Variants in NGDN observed in about 807,000 individuals in gnomAD.
NGDN encodes the protein neuroguidin.
NGDN carries 41 observed loss-of-function variants against 45.2 expected under a neutral mutation model. That is an observed-to-expected ratio of 0.91 (90% CI 0.71 to 1.18). The LOEUF (loss-of-function observed/expected upper bound fraction) is 1.18. Among genes scored for constraint, NGDN ranks in the 50% most tolerant of loss-of-function variants. The pLI is 0.00. For missense variants in NGDN, 402 were observed against 399.9 expected, an observed-to-expected ratio of 1.01 and a Z score of -0.05; for synonymous variants, 137 against 130.9, an observed-to-expected ratio of 1.05 and a Z score of -0.32.
rs902198356 is a variant in NGDN, at chr14:23,469,853, C to G, written c.12+126C>G. Reference sequence around the variant, plus strand: ...GAAAGTTGCTTCAGGGAGGCGGCCTCCCTAGAGTTACCGTTCCTGTCCGGT... The same window carrying G: ...GAAAGTTGCTTCAGGGAGGCGGCCTGCCTAGAGTTACCGTTCCTGTCCGGT... On this transcript the variant is annotated intron_variant, in intron 1 of 10. Coordinates refer to ENST00000408901, the MANE Select transcript of NGDN (RefSeq NM_001042635.2). 8 of 1,366,382 alleles carry G rather than the reference C, an allele frequency of 5.9e-6. No individual in the cohort carries two copies. In the Admixed American group the frequency reaches 1.3e-4, roughly 22 times the overall value. The allele number at this position is 1,366,382 out of a possible 1,614,324, so 84.6% of individuals were successfully genotyped here. A position where few individuals can be genotyped will look rare whatever the true frequency, so the allele number is the denominator to read the frequency against.
chr14:23,469,870 C>T, intron 1 of NGDN, 143 bp downstream of exon 1: 1 of 1,271,900 alleles, frequency 7.9e-7, no homozygotes. Flanking sequence ...GTTACCGTTC[C>T]TGTCCGGTAA....
At position 23,476,288 on chromosome 14, in the gene NGDN, A is replaced by T; in HGVS notation, c.594A>T (p.Arg198Ser). The change falls in exon 8 of 11, where the codon AGA becomes AGT. Residue 198 changes from arginine to serine, a missense_variant. Arg to Ser is a moderately radical substitution (Grantham distance 110). Transcript: ENST00000408901. ...REKKRLERAKRRALSSSVIRE... is the reference protein window; with the variant it reads ...REKKRLERAKSRALSSSVIRE... Reference sequence around the variant, plus strand: ...AGAAGCGTCTAGAACGAGCCAAGAGACGGGCATTGAGCAGCTCTGTCATTC... The same window carrying T: ...AGAAGCGTCTAGAACGAGCCAAGAGTCGGGCATTGAGCAGCTCTGTCATTC... 1.2e-6 allele frequency: 2 copies of T among 1,614,142 alleles called. No homozygotes were observed.
chr14:23,469,866 G>C, intron 1 of NGDN, 139 bp downstream of exon 1: 1 of 1,294,942 alleles, frequency 7.7e-7, no homozygotes, highest in Non-Finnish European at 1.1e-6. Context: ...TAGAGTTACC[G>C]TTCCTGTCCG....
In NGDN at chr14:23,475,177, A is replaced by G. The variant is rs145265355; in HGVS notation, c.151A>G (p.Ser51Gly). Reference sequence around the variant, plus strand: ...TCTGTTTTGTTCAACTCAGGGTCTCAGCTTCTTGGAAGTGAAAGACCAGCT... The same window carrying G: ...TCTGTTTTGTTCAACTCAGGGTCTCGGCTTCTTGGAAGTGAAAGACCAGCT... ...AGAYPTEKGL[S>G]FLEVKDQLLL... Residue 51 changes from serine to glycine, a missense_variant, in exon 4 of 11, where the codon AGC becomes GGC. By Grantham distance (56) the Ser-to-Gly change is moderately conservative (BLOSUM62 0). Coordinates refer to ENST00000408901, the MANE Select transcript of NGDN (RefSeq NM_001042635.2). 15 of 1,611,780 alleles carry G rather than the reference A, an allele frequency of 9.3e-6. No homozygotes were observed. Among genetic ancestry groups the G allele is most frequent in the Non-Finnish European group, 1.3e-5 (15 of 1,179,398 alleles).
intron 3 of NGDN, 62 bp from the exon 4 acceptor site, chr14:23,475,109 G>C: frequency 1.3e-6 from 2 of 1,539,544 alleles, no homozygotes; most frequent in South Asian, 2.5e-5. Context: ...TTTACCCTAG[G>C]CTTTCATCTG....
rs757761989 is a variant in NGDN, at chr14:23,469,704, G to A, written c.-12G>A. The A allele has an allele frequency of 1.9e-6, 3 of 1,614,146 alleles. No individual in the cohort carries two copies. The Admixed American group carries it at 5.0e-5, about 27-fold the overall frequency. On this transcript the variant is annotated 5_prime_UTR_variant, in exon 1 of 11. Transcript: ENST00000408901. ...AGGAAGTACGACACCGGAAGGGGTGGGCTTTGCGAAGATGGCGGCGCTGGT... is the reference window on the plus strand; with the variant it reads ...AGGAAGTACGACACCGGAAGGGGTGAGCTTTGCGAAGATGGCGGCGCTGGT...
intron 3 of NGDN, among the ~76,000 whole-genome samples, chr14:23,472,278 C>T (rs948280825): frequency 6.6e-6 from 1 of 151,376 alleles, no homozygotes; most frequent in African/African-American, 2.4e-5. Context: ...GATGGATCAC[C>T]TGAGGTCAGG....
At position 23,477,693 on chromosome 14, in the gene NGDN, G is replaced by A. The variant is rs1185791235; in HGVS notation, c.928+133G>A. On this transcript the variant is annotated intron_variant, in intron 10 of 10. Transcript: ENST00000408901. ...CCATACTGGGCAATAATCTCCTTAG[G>A]TGGGCTTTTATTTTTTGCTTTCCTG... is the stretch of plus-strand genomic sequence containing the variant. 5 of 1,488,262 alleles carry A rather than the reference G, an allele frequency of 3.4e-6. No individual in the cohort carries two copies. The South Asian group carries it at 5.5e-5, about 16-fold the overall frequency. The allele number at this position is 1,488,262 out of a possible 1,614,324, so 92.2% of individuals were successfully genotyped here.
intron 6 of NGDN, 82 bp from the exon 7 acceptor site, chr14:23,475,947 C>T (rs1190320109): frequency 2.6e-6 from 4 of 1,567,668 alleles, no homozygotes; most frequent in African/African-American, 2.7e-5. Flanking sequence ...TTCCCACCAC[C>T]CCAGGGTACT....
intron 3 of NGDN, among the ~76,000 whole-genome samples, chr14:23,472,744 G>A (rs940765625): frequency 1.3e-5 from 2 of 152,154 alleles, no homozygotes; most frequent in African/African-American, 4.8e-5. Context: ...GTCACTGAAG[G>A]AGTTTTAAGC....
intron 2 of NGDN, chr14:23,470,403 A>G (rs1040018729): frequency 6.1e-6 from 2 of 327,212 alleles, no homozygotes; most frequent in South Asian, 1.0e-4. Flanking sequence ...ACACTTATAT[A>G]CAGATGCTTC....
At chr14:23,472,140 G>A (rs143474239) in intron 3 of NGDN, among the ~76,000 whole-genome samples, 222 of 140,944 alleles carry the variant, frequency 1.6e-3, no homozygotes, top group African/African-American at 5.8e-3. Context: ...AGCCACGGTC[G>A]CACCATCGCA....
At position 23,470,058 on chromosome 14, in the gene NGDN, A is replaced by T. The variant is rs1323470647; in HGVS notation, c.29A>T (p.Asp10Val). ...CTTCTGTAGGGGGTGCTGGAGTCCGACCTGCCAAGTGCCGTGACACTTCTG... is the reference window on the plus strand; with the variant it reads ...CTTCTGTAGGGGGTGCTGGAGTCCGTCCTGCCAAGTGCCGTGACACTTCTG... The part of the protein sequence containing the change: MAALGVLES[D>V]LPSAVTLLKN... The change falls in exon 2 of 11, where the codon GAC becomes GTC. Residue 10 changes from aspartate (D) to valine (V), a missense_variant. Coordinates refer to ENST00000408901, the MANE Select transcript of NGDN (RefSeq NM_001042635.2). 6.2e-7 allele frequency: 1 copy of T among 1,613,874 alleles called. No individual in the cohort carries two copies. Among genetic ancestry groups the T allele is most frequent in the East Asian group, 2.2e-5 (1 of 44,884 alleles).
At position 23,477,181 on chromosome 14, in the gene NGDN, A is replaced by G; in HGVS notation, c.714-19A>G. The G allele has an allele frequency of 6.2e-7, 1 of 1,613,506 alleles. No individual in the cohort carries two copies. Among genetic ancestry groups the G allele is most frequent in the Non-Finnish European group, 8.5e-7 (1 of 1,179,628 alleles). On this transcript the variant is annotated intron_variant, in intron 8 of 10. Transcript: ENST00000408901. ...ATCTCCATGGTCTGAGCCTGCTGGA[A>G]ACTGTCTTTCTCTGGCAGGATTAAC...
chr14:23,472,357 A>G (rs1893801341), intron 3 of NGDN, among the ~76,000 whole-genome samples: 1 of 151,866 alleles, frequency 6.6e-6, no homozygotes, highest in Non-Finnish European at 1.5e-5. Context: ...TTAGCCGGGC[A>G]TGGTGGCGTG....
rs1295112655 is a variant in NGDN at position 23,475,318 on chromosome 14, A to G, written c.282+10A>G. 6 of 1,602,616 alleles carry G rather than the reference A, an allele frequency of 3.7e-6. No homozygotes were observed. Among genetic ancestry groups the G allele is most frequent in the Middle Eastern group, 1.7e-4 (1 of 6,046 alleles). ...GGTGGAGATTCGCACGGTATGAAGC[A>G]TTTGGCTTCTTGGAGTTTTAGGTTT... On this transcript the variant is annotated intron_variant, in intron 4 of 10. Coordinates refer to ENST00000408901, the MANE Select transcript of NGDN (RefSeq NM_001042635.2).
chr14:23,474,394 A>G (rs1893850907), intron 3 of NGDN, among the ~76,000 whole-genome samples: 1 of 152,366 alleles, frequency 6.6e-6, no homozygotes, highest in East Asian at 1.9e-4. Flanking sequence ...ACTCTGAGAT[A>G]ACCACTGTGG....
chr14:23,476,790 A>G (rs981799992), intron 8 of NGDN, among the ~76,000 whole-genome samples: 7 of 152,220 alleles, frequency 4.6e-5, no homozygotes, highest in Non-Finnish European at 1.0e-4. Flanking sequence ...TGTGAGTGCT[A>G]GATAAGTTCA....
At chr14:23,474,136 G>A (rs1003878699) in intron 3 of NGDN, among the ~76,000 whole-genome samples, 1 of 151,932 alleles carries the variant, frequency 6.6e-6, no homozygotes, top group Non-Finnish European at 1.5e-5. Flanking sequence ...CTCAGTTTGT[G>A]GACTCTAAAT....
Sources: allele counts gnomAD v4.1 joint callset (sites outside exome capture counted in the v4.1 genomes callset), GRCh38; gene constraint gnomAD v4.1.1; transcripts MANE v1.5; gene names NCBI Gene and HGNC (gene_info 2026-07-23, HGNC 2026-07-21).